PHLPP1: variants seen among roughly 807,000 people sequenced by gnomAD.
The protein encoded by PHLPP1 is PH domain leucine-rich repeat-containing protein phosphatase 1.
A neutral mutation model predicts 117.2 loss-of-function variants in PHLPP1; 42 were observed. The ratio of observed to expected loss-of-function variants is 0.36; its 90% CI spans 0.28 to 0.46. The LOEUF (loss-of-function observed/expected upper bound fraction) is 0.46, where lower values mean the gene tolerates loss of function less well. Ranked by LOEUF, PHLPP1 falls within the 20% of genes least tolerant of loss-of-function variation. PHLPP1 has a pLI of 1.00. For missense variants in PHLPP1, 2,084 were observed against 2,241.9 expected, an observed-to-expected ratio of 0.93 and a Z score of 1.42; for synonymous variants, 1,042 against 970.7, an observed-to-expected ratio of 1.07 and a Z score of -1.37.
intron 2 of PHLPP1, among the ~76,000 whole-genome samples, chr18:62,831,794 G>A (rs1914764666): frequency 6.6e-6 from 1 of 152,170 alleles, no homozygotes; most frequent in Non-Finnish European, 1.5e-5. Context: ...TGAATAAATA[G>A]CCTATGTTAG....
At chr18:62,869,034 G>C (rs1354605480) in intron 4 of PHLPP1, among the ~76,000 whole-genome samples, 1 of 152,208 alleles carries the variant, frequency 6.6e-6, no homozygotes, top group Non-Finnish European at 1.5e-5. Flanking sequence ...TACTCAAGCT[G>C]TATGTATAAC....
intron 4 of PHLPP1, among the ~76,000 whole-genome samples, chr18:62,874,948 G>T (rs539406988): frequency 1.3e-5 from 2 of 152,118 alleles, no homozygotes; most frequent in South Asian, 2.1e-4. Context: ...GAATTATTAT[G>T]ATTATGATTA....
intron 1 of PHLPP1, among the ~76,000 whole-genome samples, chr18:62,773,064 G>C (rs1407290576): frequency 6.6e-6 from 1 of 152,060 alleles, no homozygotes; most frequent in Non-Finnish European, 1.5e-5. Flanking sequence ...CCAAAGGGAA[G>C]AGATGAATGT....
intron 4 of PHLPP1, among the ~76,000 whole-genome samples, chr18:62,892,726 A>C (rs1203389482): frequency 6.6e-6 from 1 of 151,662 alleles, no homozygotes; most frequent in South Asian, 2.1e-4. Context: ...AATACAAAAA[A>C]TTAGCCAGGC....
intron 10 of PHLPP1, among the ~76,000 whole-genome samples, chr18:62,934,841 T>TA (rs1261321717): frequency 1.3e-5 from 2 of 152,118 alleles, no homozygotes; most frequent in Non-Finnish European, 2.9e-5. Context: ...AAGCTGTTAA[T>TA]AAAAAAATAA....
intron 1 of PHLPP1, among the ~76,000 whole-genome samples, chr18:62,721,349 AT>A (rs1191670299): frequency 1.3e-5 from 2 of 152,040 alleles, no homozygotes; most frequent in Non-Finnish European, 2.9e-5. Context: ...AAGCATACCT[AT>A]TTGTTAAACT....
chr18:62,770,575 T>C lies in PHLPP1; in HGVS notation c.1576+53316T>C, dbSNP rs142282650. Among the ~76,000 whole-genome samples, 817 of 152,344 alleles carry C rather than the reference T, an allele frequency of 5.4e-3. 10 individuals carry two copies. The highest frequency in any genetic ancestry group is 0.018 in the African/African-American group (748 of 41,578). ...TTGGATGAGAACACCATACATTCTT[T>C]TTGCATTTAGAAATATATTGGTGAT... On this transcript the variant is annotated intron_variant, in intron 1 of 16. Coordinates refer to ENST00000262719, the MANE Select transcript of PHLPP1 (RefSeq NM_194449.4).
At position 62,725,042 on chromosome 18, in the gene PHLPP1, T is replaced by C. The variant is rs1351420389; in HGVS notation, c.1576+7783T>C. Among the ~76,000 whole-genome samples, 3 of 152,136 alleles carry C rather than the reference T, an allele frequency of 2.0e-5. No individual in the cohort carries two copies. The East Asian group carries it at 5.8e-4, about 29-fold the overall frequency. On this transcript the variant is annotated intron_variant, in intron 1 of 16. Transcript: ENST00000262719. ...TTGGGAGAAAAATTTAAGCATGAAT[T>C]TTGAAAAAAATTTCCCTTTAAATAT... is the stretch of plus-strand genomic sequence containing the variant.
At chr18:62,880,878 C>T (rs1030074978) in intron 4 of PHLPP1, among the ~76,000 whole-genome samples, 1 of 152,070 alleles carries the variant, frequency 6.6e-6, no homozygotes, top group African/African-American at 2.4e-5. Context: ...TAGAGTGGTT[C>T]TCTATGTAAT....
At chr18:62,724,123 C>T (rs921459786) in intron 1 of PHLPP1, among the ~76,000 whole-genome samples, 1 of 152,092 alleles carries the variant, frequency 6.6e-6, no homozygotes, top group Admixed American at 6.6e-5. Context: ...GGACAAGAAT[C>T]GATGTTTGAT....
In PHLPP1 at chr18:62,979,783, C is replaced by A. The variant is rs1430938285; in HGVS notation, c.*352C>A. On this transcript the variant is annotated 3_prime_UTR_variant, in exon 17 of 17. Coordinates refer to ENST00000262719, the MANE Select transcript of PHLPP1 (RefSeq NM_194449.4). ...TTTGTTGTTTGTTTGGAAGGCAGGG[C>A]AGGCTGCCGTTGCTAAATGATTTAA... 6 of 207,762 alleles carry A rather than the reference C, an allele frequency of 2.9e-5. No individual in the cohort carries two copies. Among genetic ancestry groups the A allele is most frequent in the Non-Finnish European group, 4.8e-5 (5 of 104,608 alleles). 12.9% of individuals were successfully genotyped at this position (207,762 alleles called of 1,614,324 possible). A position where few individuals can be genotyped will look rare whatever the true frequency, so the allele number is the denominator to read the frequency against.
chr18:62,838,974 T>G (rs1448695662), intron 3 of PHLPP1, 65 bp downstream of exon 3: 1 of 1,564,124 alleles, frequency 6.4e-7, no homozygotes, highest in African/African-American at 1.4e-5. Flanking sequence ...CCTTTCTGCT[T>G]TAGCTGGGTC....
chr18:62,895,302 C>G, intron 5 of PHLPP1, 145 bp downstream of exon 5: 1 of 730,032 alleles, frequency 1.4e-6, no homozygotes, highest in South Asian at 2.1e-5. Flanking sequence ...CTATGTAGTC[C>G]GTATGGAGTT....
At chr18:62,951,062 A>C (rs1910442094) in intron 12 of PHLPP1, among the ~76,000 whole-genome samples, 1 of 151,776 alleles carries the variant, frequency 6.6e-6, no homozygotes, top group Admixed American at 6.6e-5. Flanking sequence ...GTTCACCGCA[A>C]GTTCCGCCTC....
chr18:62,750,673 A>C lies in PHLPP1; in HGVS notation c.1576+33414A>C, dbSNP rs1263001176. ...ACTTGTTGCTGTTGTGGAAGGAAAC[A>C]CTGTATTCTATAGTTTAACATAGGG... On this transcript the variant is annotated intron_variant, in intron 1 of 16. Transcript: ENST00000262719. Among the ~76,000 whole-genome samples, 4 of 149,104 alleles carry C rather than the reference A, an allele frequency of 2.7e-5. No individual in the cohort carries two copies. The East Asian group carries it at 7.8e-4, about 29-fold the overall frequency.
intron 2 of PHLPP1, chr18:62,832,039 T>C (rs1914772424): frequency 6.6e-6 from 1 of 152,268 alleles, no homozygotes; most frequent in African/African-American, 2.4e-5. Flanking sequence ...CTATAGGTTA[T>C]TAAAAATGCA....
At chr18:62,898,014 C>CATT (rs1916607985) in intron 6 of PHLPP1, among the ~76,000 whole-genome samples, 1 of 142,964 alleles carries the variant, frequency 7.0e-6, no homozygotes. Context: ...ATTCCTCCTC[C>CATT]CTTCTCCTCT....
intron 10 of PHLPP1, among the ~76,000 whole-genome samples, chr18:62,929,497 G>A (rs1469806139): frequency 2.0e-5 from 3 of 152,146 alleles, no homozygotes; most frequent in Non-Finnish European, 2.9e-5. Context: ...TGGGCGTGAT[G>A]TACCAGAGGA....
At chr18:62,900,596 G>C (rs1916698950) in intron 6 of PHLPP1, among the ~76,000 whole-genome samples, 1 of 151,512 alleles carries the variant, frequency 6.6e-6, no homozygotes, top group South Asian at 2.1e-4. Context: ...CTCTCAAATA[G>C]CTGGGAGTAT....
Sources: gnomAD v4.1 joint callset for allele counts (sites outside exome capture counted in the v4.1 genomes callset) on GRCh38, gnomAD v4.1.1 for gene constraint, MANE v1.5 for transcripts, NCBI Gene and HGNC (gene_info 2026-07-23, HGNC 2026-07-21) for gene names.